DPH6: variants seen among roughly 807,000 people sequenced by gnomAD.
DPH6 encodes diphthamine biosynthesis 6, also known as diphthine--ammonia ligase.
DPH6 carries 33 observed loss-of-function variants against 38.2 expected under a neutral mutation model. That is an observed-to-expected ratio of 0.86 (90% confidence interval 0.65 to 1.15). DPH6 has a LOEUF of 1.15. Among genes scored for constraint, DPH6 ranks in the 50% most tolerant of loss-of-function variants. The pLI is 0.00. For missense variants in DPH6, 325 were observed against 320.0 expected, an observed-to-expected ratio of 1.02 and a Z score of -0.12; for synonymous variants, 108 against 103.0, an observed-to-expected ratio of 1.05 and a Z score of -0.30.
At chr15:35,500,898 G>A (rs550037837) in intron 3 of DPH6, among the ~76,000 whole-genome samples, 3 of 152,018 alleles carry the variant, frequency 2.0e-5, no homozygotes, top group East Asian at 1.9e-4. Flanking sequence ...CTGCCACCAC[G>A]CCCAGCTAAT....
Position 35,372,068 on chromosome 15 carries a change from C to T in DPH6, c.*82G>A. On this transcript the variant is annotated 3_prime_UTR_variant, in exon 9 of 9. Coordinates refer to ENST00000256538, the MANE Select transcript of DPH6 (RefSeq NM_080650.4). ...ATAAGAGTCATGAGAAAAAAATAAACTAGTCATAGTAACTGAGAAAATACT... is the reference window on the plus strand; with the variant it reads ...ATAAGAGTCATGAGAAAAAAATAAATTAGTCATAGTAACTGAGAAAATACT... 1 of 1,455,216 alleles carries T rather than the reference C, an allele frequency of 6.9e-7. No individual in the cohort carries two copies. Among genetic ancestry groups the T allele is most frequent in the South Asian group, 1.5e-5 (1 of 67,228 alleles). The allele number at this position is 1,455,216 out of a possible 1,614,324, so 90.1% of individuals were successfully genotyped here.
the DPH6 span, among the ~76,000 whole-genome samples, chr15:35,150,693 G>A: frequency 6.6e-5 from 10 of 152,098 alleles, no homozygotes. Flanking sequence ...GCCTTTACAT[G>A]GGAGATCATC....
At chr15:35,399,674 C>G (rs1323523859) in intron 6 of DPH6, among the ~76,000 whole-genome samples, 3 of 152,154 alleles carry the variant, frequency 2.0e-5, no homozygotes, top group Non-Finnish European at 2.9e-5. Flanking sequence ...TACATTTAGT[C>G]AGGAATCAGA....
At chr15:35,339,713 C>T (rs1025760680) in intron 3 of DPH6, among the ~76,000 whole-genome samples, 2 of 151,922 alleles carry the variant, frequency 1.3e-5, no homozygotes, top group East Asian at 3.9e-4. Flanking sequence ...TTTCTTAATC[C>T]CAAATTCTAA....
At chr15:35,351,666 A>G (rs2052512097) in intron 3 of DPH6, among the ~76,000 whole-genome samples, 1 of 150,504 alleles carries the variant, frequency 6.6e-6, no homozygotes, top group Admixed American at 6.6e-5. Context: ...TACAGAAGTT[A>G]CTCTATACTT....
intron 3 of DPH6, among the ~76,000 whole-genome samples, chr15:35,295,157 T>A (rs2055391394): frequency 6.6e-6 from 1 of 152,202 alleles, no homozygotes; most frequent in Admixed American, 6.5e-5. Flanking sequence ...CTTTTCATTG[T>A]GTTACCATCA....
downstream of DPH6, among the ~76,000 whole-genome samples, chr15:35,212,702 C>T (rs1326721781): frequency 2.0e-5 from 3 of 152,186 alleles, no homozygotes; most frequent in African/African-American, 4.8e-5. Flanking sequence ...ATTGCCAAAT[C>T]GTGTTGTCTC....
chr15:35,424,777 A>C (rs1264403850), intron 5 of DPH6, among the ~76,000 whole-genome samples: 1 of 151,698 alleles, frequency 6.6e-6, no homozygotes, highest in East Asian at 1.9e-4. Flanking sequence ...AAGGAGAAGA[A>C]TATATCAGGA....
downstream of DPH6, among the ~76,000 whole-genome samples, chr15:35,327,164 T>G (rs1362376612): frequency 1.3e-5 from 2 of 152,314 alleles, no homozygotes; most frequent in South Asian, 2.1e-4. Flanking sequence ...TTCTGCAATC[T>G]ACACTGGTTA....
intron 1 of DPH6, 90 bp downstream of exon 1, chr15:35,546,029 C>A: frequency 8.5e-7 from 1 of 1,180,502 alleles, no homozygotes; most frequent in Non-Finnish European, 1.1e-6. Context: ...GCGACTCAGA[C>A]GGAGACACCC....
At chr15:35,546,017 G>T in intron 1 of DPH6, 102 bp downstream of exon 1, 1 of 1,091,390 alleles carries the variant, frequency 9.2e-7, no homozygotes, top group Non-Finnish European at 1.2e-6. Flanking sequence ...AACCCCCAAC[G>T]CGCGACTCAG....
chr15:35,147,516 T>C, the DPH6 span, among the ~76,000 whole-genome samples: 2 of 152,188 alleles, frequency 1.3e-5, no homozygotes, highest in Non-Finnish European at 2.9e-5. Flanking sequence ...GTCATTCAGA[T>C]GAGTTTTCTA....
At chr15:35,438,314 G>C (rs2053743227) in intron 5 of DPH6, among the ~76,000 whole-genome samples, 1 of 152,072 alleles carries the variant, frequency 6.6e-6, no homozygotes, top group Admixed American at 6.5e-5. Flanking sequence ...CTGGAGTGCA[G>C]TGGTGCGATC....
chr15:35,522,046 GT>G, intron 3 of DPH6: 1 of 1,587,760 alleles, frequency 6.3e-7, no homozygotes, highest in Non-Finnish European at 8.6e-7. Context: ...GTATGTCTAA[GT>G]TTTTAAACAG....
At chr15:35,324,609 A>G (rs1356414430) in intron 3 of DPH6, among the ~76,000 whole-genome samples, 1 of 152,190 alleles carries the variant, frequency 6.6e-6, no homozygotes, top group Non-Finnish European at 1.5e-5. Flanking sequence ...GACATAAAAG[A>G]TTGTCACTGA....
intron 3 of DPH6, chr15:35,237,585 G>T (rs769591524): frequency 1.6e-4 from 254 of 1,582,876 alleles, no homozygotes; most frequent in Non-Finnish European, 2.2e-4. Context: ...GCAGAAAAGT[G>T]TCCGAACCTC....
intron 1 of DPH6, among the ~76,000 whole-genome samples, chr15:35,544,580 T>C (rs1439002662): frequency 6.6e-6 from 1 of 152,196 alleles, no homozygotes; most frequent in African/African-American, 2.4e-5. Flanking sequence ...TCACTTATAA[T>C]ACATAATTAT....
chr15:35,374,886 T>G (rs2052760613), intron 7 of DPH6, among the ~76,000 whole-genome samples: 2 of 152,038 alleles, frequency 1.3e-5, no homozygotes, highest in African/African-American at 4.8e-5. Context: ...GACCCCAACT[T>G]GGTTTGTTAG....
chr15:35,174,969 A>AT, the DPH6 span, among the ~76,000 whole-genome samples: 1 of 152,154 alleles, frequency 6.6e-6, no homozygotes, highest in Non-Finnish European at 1.5e-5. Flanking sequence ...AAACATCTGT[A>AT]TTTATGTTTT....
Sources: gnomAD v4.1 joint callset for allele counts (sites outside exome capture counted in the v4.1 genomes callset) on GRCh38, gnomAD v4.1.1 for gene constraint, MANE v1.5 for transcripts, NCBI Gene and HGNC (gene_info 2026-07-23, HGNC 2026-07-21) for gene names.